Variants in STXBP6 observed in about 807,000 individuals in gnomAD.
The protein encoded by STXBP6 is syntaxin binding protein 6.
Under a neutral mutation model 26.9 loss-of-function variants are expected in STXBP6, and 21 were observed. The ratio of observed to expected loss-of-function variants is 0.78; its 90% CI spans 0.55 to 1.12. The LOEUF (loss-of-function observed/expected upper bound fraction) is 1.12. Ranked by LOEUF, STXBP6 falls within the 50% of genes most tolerant of loss-of-function variation. STXBP6 has a pLI of 0.00. For missense variants in STXBP6, 232 were observed against 257.9 expected (o/e 0.90, Z 0.69); for synonymous variants, 97 against 92.6 (o/e 1.05, Z -0.27).
intron 3 of STXBP6, among the ~76,000 whole-genome samples, chr14:24,856,824 T>C (rs2069350207): frequency 6.6e-6 from 1 of 152,098 alleles, no homozygotes; most frequent in African/African-American, 2.4e-5. Context: ...TGCATTCTGT[T>C]AGATTCCTCT....
In STXBP6 at chr14:24,962,123, GC is replaced by G. The variant is rs551379571; in HGVS notation, c.154+12541del. ...TGCAAACACAGACAGAATCACACAT[GC>G]ACAGTACCCTTATATACACCTGCAA... On this transcript the variant is annotated intron_variant, in intron 2 of 5. Transcript: ENST00000323944. Among the ~76,000 whole-genome samples the G allele has an allele frequency of 6.0e-3, 909 of 152,104 alleles. 1 individual carries two copies. Among genetic ancestry groups the G allele is most frequent in the Non-Finnish European group, 8.4e-3 (573 of 68,006 alleles).
At chr14:24,971,827 T>C (rs1472919578) in intron 2 of STXBP6, among the ~76,000 whole-genome samples, 3 of 152,208 alleles carry the variant, frequency 2.0e-5, no homozygotes, top group Non-Finnish European at 1.5e-5. Flanking sequence ...ATTTTAGTGA[T>C]GGATTAATGT....
At chr14:24,976,474 C>T (rs2074047510) in intron 1 of STXBP6, among the ~76,000 whole-genome samples, 1 of 152,196 alleles carries the variant, frequency 6.6e-6, no homozygotes, top group Non-Finnish European at 1.5e-5. Flanking sequence ...CCCACATCTA[C>T]TTGTGCTCCA....
chr14:24,812,589 C>A lies in STXBP6; in HGVS notation c.*120G>T, dbSNP rs934390179. 4 of 943,666 alleles carry A rather than the reference C, an allele frequency of 4.2e-6. No individual in the cohort carries two copies. The highest frequency in any genetic ancestry group is 1.5e-5 in the South Asian group (1 of 66,764). 58.5% of individuals were successfully genotyped at this position (943,666 alleles called of 1,614,324 possible). On this transcript the variant is annotated 3_prime_UTR_variant, in exon 6 of 6. Coordinates refer to ENST00000323944, the MANE Select transcript of STXBP6 (RefSeq NM_001394410.1). Reference sequence around the variant, plus strand: ...AACATCTGAAAAGAAAAAACAAAAACCACTCTAAGTGTCCAAATATTGGAA... The same window carrying A: ...AACATCTGAAAAGAAAAAACAAAAAACACTCTAAGTGTCCAAATATTGGAA...
chr14:24,999,466 G>C (rs2140322272), intron 1 of STXBP6, among the ~76,000 whole-genome samples: 1 of 152,122 alleles, frequency 6.6e-6, no homozygotes, highest in Middle Eastern at 3.4e-3. Flanking sequence ...CTATTATCTA[G>C]GATATAAAAA....
At chr14:24,945,498 A>G (rs2072956469) in intron 2 of STXBP6, among the ~76,000 whole-genome samples, 1 of 152,098 alleles carries the variant, frequency 6.6e-6, no homozygotes, top group Non-Finnish European at 1.5e-5. Context: ...TGAGCCCAGG[A>G]GTTTGAGGCT....
intron 1 of STXBP6, among the ~76,000 whole-genome samples, chr14:24,996,779 C>T (rs112768663): frequency 0.034 from 4,845 of 143,940 alleles, 285 homozygotes; most frequent in African/African-American, 0.12. Flanking sequence ...CGCTTGAACC[C>T]GGGAGACAGA....
At chr14:25,017,458 G>A (rs2075173691) in intron 1 of STXBP6, among the ~76,000 whole-genome samples, 1 of 152,192 alleles carries the variant, frequency 6.6e-6, no homozygotes, top group African/African-American at 2.4e-5. Flanking sequence ...GAAACTCAGA[G>A]GCAGAGGAAG....
intron 1 of STXBP6, among the ~76,000 whole-genome samples, chr14:25,009,382 T>G (rs1478399653): frequency 6.6e-6 from 1 of 152,208 alleles, no homozygotes; most frequent in East Asian, 1.9e-4. Flanking sequence ...GTTTTTCCAT[T>G]TTCCTACTTG....
At chr14:24,918,425 G>A (rs2139787521) in intron 2 of STXBP6, among the ~76,000 whole-genome samples, 1 of 146,874 alleles carries the variant, frequency 6.8e-6, no homozygotes, top group Admixed American at 6.9e-5. Context: ...AAAAAGAGGT[G>A]ATTATTTCTT....
chr14:25,012,454 C>T (rs918029997), intron 1 of STXBP6, among the ~76,000 whole-genome samples: 1 of 152,032 alleles, frequency 6.6e-6, no homozygotes, highest in African/African-American at 2.4e-5. Flanking sequence ...GGCAAAGCCC[C>T]ATCTCTACTA....
chr14:24,873,387 G>A (rs914609982), intron 2 of STXBP6, among the ~76,000 whole-genome samples: 6 of 152,308 alleles, frequency 3.9e-5, no homozygotes, highest in Middle Eastern at 3.4e-3. Context: ...AGGAAGGCAA[G>A]TTCTGAAGAA....
intron 4 of STXBP6, among the ~76,000 whole-genome samples, chr14:24,837,094 TTAAG>T (rs1447855884): frequency 1.3e-5 from 2 of 152,212 alleles, no homozygotes; most frequent in Non-Finnish European, 2.9e-5. Flanking sequence ...TATTCCTTTT[TTAAG>T]TAATTGAATG....
intron 1 of STXBP6, among the ~76,000 whole-genome samples, chr14:25,031,619 G>A (rs1054820294): frequency 2.0e-5 from 3 of 152,074 alleles, no homozygotes; most frequent in Admixed American, 6.5e-5. Flanking sequence ...GTCTTAGCAT[G>A]AGAGTAAACT....
intron 2 of STXBP6, among the ~76,000 whole-genome samples, chr14:24,945,697 A>T (rs76377102): frequency 0.024 from 3,652 of 152,298 alleles, 78 homozygotes; most frequent in East Asian, 0.11. Flanking sequence ...GTGTTGCAAA[A>T]TAATAATAAT....
chr14:25,027,061 TACAA>T (rs1566571733), intron 1 of STXBP6, among the ~76,000 whole-genome samples: 1 of 152,190 alleles, frequency 6.6e-6, no homozygotes, highest in African/African-American at 2.4e-5. Flanking sequence ...AATGTACACA[TACAA>T]ACAATGGCAT....
At position 24,897,437 on chromosome 14, in the gene STXBP6, A is replaced by AAG. The variant is rs1436232025; in HGVS notation, c.155-40281_155-40280insCT. 3.3e-5 allele frequency among the ~76,000 whole-genome samples: 5 copies of AAG among 151,482 alleles called. 1 individual carries two copies. Among genetic ancestry groups the AAG allele is most frequent in the Admixed American group, 2.6e-4 (4 of 15,232 alleles). On this transcript the variant is annotated intron_variant, in intron 2 of 5. Transcript: ENST00000323944. ...AAAAAAAAAAAAAAAAGGAAAAAAA[A>AAG]AAAAAGAAAAAGTTTTTTTTATACA...
Position 24,843,859 on chromosome 14 carries a change from C to A in STXBP6, c.451+12077G>T, listed in dbSNP as rs948756943. On this transcript the variant is annotated intron_variant, in intron 4 of 5. Transcript: ENST00000323944. ...CAGAGCTCCTAAAACCCTTGGAATT[C>A]CCTGCATGACAGGAATGAGAGTAGT... Among the ~76,000 whole-genome samples, 3 of 152,292 alleles carry A rather than the reference C, an allele frequency of 2.0e-5. No homozygotes were observed. The East Asian group carries it at 5.8e-4, about 29-fold the overall frequency.
At chr14:24,924,007 C>G (rs1323206941) in intron 2 of STXBP6, among the ~76,000 whole-genome samples, 1 of 151,998 alleles carries the variant, frequency 6.6e-6, no homozygotes, top group Non-Finnish European at 1.5e-5. Context: ...AGAACCAATT[C>G]CCACATATTT....
Sources: gnomAD v4.1 joint callset for allele counts (sites outside exome capture counted in the v4.1 genomes callset) on GRCh38, gnomAD v4.1.1 for gene constraint, MANE v1.5 for transcripts, NCBI Gene and HGNC (gene_info 2026-07-23, HGNC 2026-07-21) for gene names.